The following FBXL7 variants were observed in gnomAD, a reference collection of about 807,000 sequenced individuals.
The protein encoded by FBXL7 is F-box and leucine rich repeat protein 7.
Under a neutral mutation model 38.3 loss-of-function variants are expected in FBXL7, and 12 were observed. That is an observed-to-expected ratio of 0.31 (90% CI 0.20 to 0.51). The LOEUF is 0.51. Among genes scored for constraint, FBXL7 ranks in the 20% least tolerant of loss-of-function variants. FBXL7 has a pLI of 0.98. For synonymous variants in FBXL7, 297 were observed against 300.9 expected (o/e 0.99, Z 0.13); for missense variants, 567 against 676.4 (o/e 0.84, Z 1.79).
chr5:15,830,668 A>G lies in FBXL7; in HGVS notation c.128-97222A>G, dbSNP rs377076170. On this transcript the variant is annotated intron_variant, in intron 2 of 3. Transcript: ENST00000504595. The stretch of plus-strand genomic sequence containing the variant: ...GGGCCCACCACTGTTCCCAAAGTGC[A>G]GCTTATTTTAATTATTACACATATC... Among the ~76,000 whole-genome samples, 21 of 152,260 alleles carry G rather than the reference A, an allele frequency of 1.4e-4. No homozygotes were observed. The South Asian group carries it at 3.1e-3, about 23-fold the overall frequency.
intron 1 of FBXL7, among the ~76,000 whole-genome samples, chr5:15,593,673 G>C (rs1163842859): frequency 6.6e-6 from 1 of 152,106 alleles, no homozygotes; most frequent in African/African-American, 2.4e-5. Context: ...ACATAAAAAT[G>C]TACAGGTTTT....
At chr5:15,915,715 G>GA (rs1040617804) in intron 2 of FBXL7, among the ~76,000 whole-genome samples, 53 of 152,264 alleles carry the variant, frequency 3.5e-4, no homozygotes, top group African/African-American at 1.2e-3. Flanking sequence ...TTGATGCCGG[G>GA]AAAAATGGTC....
chr5:15,639,825 G>A (rs1741300760), intron 2 of FBXL7, among the ~76,000 whole-genome samples: 1 of 151,892 alleles, frequency 6.6e-6, no homozygotes, highest in South Asian at 2.1e-4. Flanking sequence ...AGGTCAGCAG[G>A]TAGAAGGATC....
intron 2 of FBXL7, among the ~76,000 whole-genome samples, chr5:15,644,475 CA>C (rs1161807707): frequency 2.0e-5 from 3 of 151,496 alleles, no homozygotes; most frequent in Admixed American, 6.6e-5. Context: ...AACTCTGTCT[CA>C]AAAAAAATGG....
intron 2 of FBXL7, among the ~76,000 whole-genome samples, chr5:15,906,433 A>G (rs1007257858): frequency 6.8e-5 from 6 of 88,042 alleles, no homozygotes; most frequent in African/African-American, 3.0e-4. Context: ...TTGACCTAGA[A>G]GGATTTTTTT....
At chr5:15,629,970 A>C (rs1475377111) in intron 2 of FBXL7, among the ~76,000 whole-genome samples, 1 of 152,154 alleles carries the variant, frequency 6.6e-6, no homozygotes. Context: ...CATCATGGGA[A>C]TATTTGGCAG....
chr5:15,821,937 T>A (rs780159040), intron 2 of FBXL7, among the ~76,000 whole-genome samples: 1 of 152,128 alleles, frequency 6.6e-6, no homozygotes, highest in African/African-American at 2.4e-5. Flanking sequence ...TTAACTTCTA[T>A]CTCGGGAGTG....
At chr5:15,830,834 C>T (rs762114791) in intron 2 of FBXL7, among the ~76,000 whole-genome samples, 32 of 152,074 alleles carry the variant, frequency 2.1e-4, no homozygotes, top group Non-Finnish European at 4.0e-4. Flanking sequence ...AGGGCAGCAC[C>T]CAGTCCCAGC....
chr5:15,835,907 A>G (rs755460748), intron 2 of FBXL7, among the ~76,000 whole-genome samples: 1 of 152,188 alleles, frequency 6.6e-6, no homozygotes, highest in Non-Finnish European at 1.5e-5. Context: ...GGGTAATTTT[A>G]TGATCTGCAG....
At chr5:15,548,193 CA>C (rs1737970633) in intron 1 of FBXL7, among the ~76,000 whole-genome samples, 1 of 152,154 alleles carries the variant, frequency 6.6e-6, no homozygotes, top group Admixed American at 6.5e-5. Flanking sequence ...GTAATGAGAT[CA>C]AAAGCCCTCC....
At chr5:15,886,856 G>C (rs539466194) in intron 2 of FBXL7, among the ~76,000 whole-genome samples, 2 of 152,260 alleles carry the variant, frequency 1.3e-5, no homozygotes, top group South Asian at 4.2e-4. Flanking sequence ...GGCTCACAAG[G>C]CAACACCTCT....
intron 2 of FBXL7, among the ~76,000 whole-genome samples, chr5:15,769,758 C>G (rs1317649100): frequency 2.0e-5 from 3 of 149,830 alleles, no homozygotes; most frequent in Non-Finnish European, 4.4e-5. Flanking sequence ...CACTGGTGAG[C>G]AGTTGGCTAA....
At chr5:15,665,869 G>A (rs987445310) in intron 2 of FBXL7, among the ~76,000 whole-genome samples, 1 of 152,080 alleles carries the variant, frequency 6.6e-6, no homozygotes, top group Non-Finnish European at 1.5e-5. Context: ...AATCCCCTGA[G>A]CAAAGTTTTA....
intron 2 of FBXL7, among the ~76,000 whole-genome samples, chr5:15,694,212 T>C (rs1743265599): frequency 6.6e-6 from 1 of 152,176 alleles, no homozygotes; most frequent in Non-Finnish European, 1.5e-5. Flanking sequence ...CTCACCCTTG[T>C]TGCATGTCCT....
In FBXL7 at chr5:15,837,286, AATTG is replaced by A. The variant is rs776375390; in HGVS notation, c.128-90601_128-90598del. On this transcript the variant is annotated intron_variant, in intron 2 of 3. Coordinates refer to ENST00000504595, the MANE Select transcript of FBXL7 (RefSeq NM_012304.5). ...TTTCATAAAGCAGGTAAATACTTTTAATTGATCTTTAACTGCATATATAGGATAA... is the reference window on the plus strand; with the variant it reads ...TTTCATAAAGCAGGTAAATACTTTTAATCTTTAACTGCATATATAGGATAA... Among the ~76,000 whole-genome samples the A allele has an allele frequency of 2.2e-3, 337 of 152,346 alleles. 1 individual carries two copies. The highest frequency in any genetic ancestry group is 3.5e-3 in the Non-Finnish European group (240 of 68,030).
intron 1 of FBXL7, among the ~76,000 whole-genome samples, chr5:15,610,636 G>T (rs1740201363): frequency 6.6e-6 from 1 of 152,084 alleles, no homozygotes; most frequent in Non-Finnish European, 1.5e-5. Flanking sequence ...GATGGTTATT[G>T]CTTCCAGAAG....
At chr5:15,751,786 C>G (rs1736162387) in intron 2 of FBXL7, among the ~76,000 whole-genome samples, 1 of 152,162 alleles carries the variant, frequency 6.6e-6, no homozygotes. Context: ...AGGATTTGCT[C>G]TCATTACTTT....
At chr5:15,666,625 A>G (rs1742288440) in intron 2 of FBXL7, among the ~76,000 whole-genome samples, 1 of 152,098 alleles carries the variant, frequency 6.6e-6, no homozygotes, top group Non-Finnish European at 1.5e-5. Context: ...ATTTTCCACA[A>G]CTTTTCAAAT....
At chr5:15,594,899 A>G (rs925714419) in intron 1 of FBXL7, among the ~76,000 whole-genome samples, 16 of 152,190 alleles carry the variant, frequency 1.1e-4, no homozygotes, top group African/African-American at 3.6e-4. Flanking sequence ...CTGCCTTGCT[A>G]TGATCCTCTG....
Sources: gnomAD v4.1 joint callset for allele counts (sites outside exome capture counted in the v4.1 genomes callset) on GRCh38, gnomAD v4.1.1 for gene constraint, MANE v1.5 for transcripts, NCBI Gene and HGNC (gene_info 2026-07-23, HGNC 2026-07-21) for gene names.